UGT2A3: variants seen among roughly 807,000 people sequenced by gnomAD.
UGT2A3 encodes the protein UDP-glucuronosyltransferase 2A3.
Under a neutral mutation model 44.1 loss-of-function variants are expected in UGT2A3, and 55 were observed. The observed-to-expected ratio is 1.25, with a 90% CI of 1.00 to 1.56. The LOEUF is 1.56. Among genes scored for constraint, UGT2A3 ranks in the 40% most tolerant of loss-of-function variants. The pLI is 0.00. For synonymous variants in UGT2A3, 243 were observed against 215.1 expected (o/e 1.13, Z -1.13); for missense variants, 733 against 621.6 (o/e 1.18, Z -1.91).
intron 2 of UGT2A3, among the ~76,000 whole-genome samples, chr4:68,937,518 A>G (rs1208993518): frequency 6.7e-6 from 1 of 148,408 alleles, no homozygotes; most frequent in East Asian, 1.9e-4. Flanking sequence ...ACCAATGAGA[A>G]CAAAGATACG....
chr4:68,951,718 G>T lies in UGT2A3; in HGVS notation c.43C>A (p.Leu15Ile), dbSNP rs746403988. 9 of 1,605,686 alleles carry T rather than the reference G, an allele frequency of 5.6e-6. No individual in the cohort carries two copies. The highest frequency in any genetic ancestry group is 1.3e-5 in the African/African-American group (1 of 74,516). ...CAGAATCCACAGCCAACACAGAAGA[G>T]CTGCAGGAGCAGAAATACCAAAGCT... is the stretch of plus-strand genomic sequence containing the variant. ...KSALVFLLLQ[L>I]FCVGCGFCGK... The change falls in exon 1 of 6, where the codon CTC (leucine) becomes ATC (isoleucine). Residue 15 changes from leucine (L) to isoleucine (I), a missense_variant. Coordinates refer to ENST00000251566, the MANE Select transcript of UGT2A3 (RefSeq NM_024743.4).
At chr4:68,943,356 C>T in intron 2 of UGT2A3, 1 of 1,262,166 alleles carries the variant, frequency 7.9e-7, no homozygotes, top group South Asian at 1.3e-5. Flanking sequence ...CTTAAGAGAG[C>T]TTGGTTTTCT....
intron 2 of UGT2A3, among the ~76,000 whole-genome samples, chr4:68,940,630 G>A (rs1375797865): frequency 2.0e-5 from 3 of 151,306 alleles, no homozygotes; most frequent in African/African-American, 7.3e-5. Context: ...AACCAAAATG[G>A]CACATGTATA....
In UGT2A3 at chr4:68,950,986, A is replaced by T; in HGVS notation, c.715+60T>A. On this transcript the variant is annotated intron_variant, in intron 1 of 5. Transcript: ENST00000251566. ...ATATATATGTCATAGACAATGTATG[A>T]CAATTTTTAAAAATATTTCTTTTGA... 3 of 1,239,104 alleles carry T rather than the reference A, an allele frequency of 2.4e-6. No homozygotes were observed. In the South Asian group the frequency reaches 5.0e-5, roughly 21 times the overall value. 76.8% of individuals were successfully genotyped at this position (1,239,104 alleles called of 1,614,324 possible).
At chr4:68,932,544 G>A in intron 3 of UGT2A3, 84 bp downstream of exon 3, 1 of 1,497,182 alleles carries the variant, frequency 6.7e-7, no homozygotes, top group Non-Finnish European at 9.0e-7. Flanking sequence ...TATGCTAAGT[G>A]GAAAATGAGA....
intron 3 of UGT2A3, 41 bp from the exon 4 acceptor site, chr4:68,931,283 G>T: frequency 6.8e-7 from 1 of 1,462,258 alleles, no homozygotes; most frequent in Non-Finnish European, 9.5e-7. Context: ...TGAACCACAG[G>T]ATATTAGCAT....
At chr4:68,942,428 C>T (rs556049684) in intron 2 of UGT2A3, among the ~76,000 whole-genome samples, 2 of 142,270 alleles carry the variant, frequency 1.4e-5, no homozygotes, top group Non-Finnish European at 1.5e-5. Context: ...ATATATATAT[C>T]CATTCCATTA....
Position 68,930,772 on chromosome 4 carries a change from T to G in UGT2A3, c.1085-7A>C. The G allele has an allele frequency of 6.4e-7, 1 of 1,564,562 alleles. No individual in the cohort carries two copies. The highest frequency in any genetic ancestry group is 1.2e-5 in the South Asian group (1 of 83,388). On this transcript the variant is annotated splice_polypyrimidine_tract_variant and splice_region_variant and intron_variant, in intron 4 of 5. Coordinates refer to ENST00000251566, the MANE Select transcript of UGT2A3 (RefSeq NM_024743.4). ...GCTTTGGTTTTGGGATGACCTAGTA[T>G]GTAAATTGGATGAGAAATGGTGAGA...
intron 1 of UGT2A3, among the ~76,000 whole-genome samples, chr4:68,946,108 A>G (rs917900672): frequency 6.6e-6 from 1 of 151,634 alleles, no homozygotes; most frequent in African/African-American, 2.4e-5. Context: ...ATAATCATAC[A>G]CTTACTTTAG....
At chr4:68,943,829 T>C (rs1718281173) in intron 2 of UGT2A3, among the ~76,000 whole-genome samples, 1 of 151,416 alleles carries the variant, frequency 6.6e-6, no homozygotes, top group Non-Finnish European at 1.5e-5. Flanking sequence ...TGTGCAGATA[T>C]GCCAAAGTGA....
rs1717667601 is a variant in UGT2A3 at position 68,930,037 on chromosome 4, G to T, written c.1360C>A (p.Pro454Thr). 6.2e-7 allele frequency: 1 copy of T among 1,613,316 alleles called. No individual in the cohort carries two copies. The highest frequency in any genetic ancestry group is 8.5e-7 in the Non-Finnish European group (1 of 1,179,634). The part of the protein sequence containing the change: ...SRIHHDQPVK[P>T]LDRAVFWIEF... ...ATCCAGAAGACTGCTCGATCTAGGG[G>T]CTTTACAGGTTGATCATGGTGAATT... Residue 454 changes from proline (P) to threonine (T), a missense_variant, in exon 6 of 6, where the codon CCC (proline) becomes ACC (threonine). Coordinates refer to ENST00000251566, the MANE Select transcript of UGT2A3 (RefSeq NM_024743.4).
chr4:68,947,367 G>A (rs1718417156), intron 1 of UGT2A3, among the ~76,000 whole-genome samples: 1 of 151,706 alleles, frequency 6.6e-6, no homozygotes, highest in Admixed American at 6.6e-5. Flanking sequence ...CGGTTTTACA[G>A]GTTTTAGTTT....
intron 2 of UGT2A3, among the ~76,000 whole-genome samples, chr4:68,939,425 T>C (rs879570766): frequency 6.6e-6 from 1 of 151,990 alleles, no homozygotes; most frequent in Non-Finnish European, 1.5e-5. Context: ...CTTTGACAAA[T>C]CTGACAAAAT....
chr4:68,950,702 TGAGA>T (rs1255708700), intron 1 of UGT2A3, among the ~76,000 whole-genome samples: 1 of 151,802 alleles, frequency 6.6e-6, no homozygotes, highest in Admixed American at 6.6e-5. Flanking sequence ...AAATACATGA[TGAGA>T]GAGAAAATAA....
Position 68,951,662 on chromosome 4 carries a change from C to T in UGT2A3, c.99G>A (p.Met33Ile), listed in dbSNP as rs368033354. ...TGACCTTGACATTAAGCCAATGGCT[C>T]ATGTCACAGGGCCACACCAGGACTT... is the stretch of plus-strand genomic sequence containing the variant. Reference protein sequence around the residue: ...CGKVLVWPCDMSHWLNVKVIL... With the variant: ...CGKVLVWPCDISHWLNVKVIL... The change falls in exon 1 of 6, where the codon ATG (methionine) becomes ATA (isoleucine). Residue 33 changes from methionine (M) to isoleucine (I), a missense_variant. Transcript: ENST00000251566. 47 of 1,612,114 alleles carry T rather than the reference C, an allele frequency of 2.9e-5. No individual in the cohort carries two copies. Among genetic ancestry groups the T allele is most frequent in the Non-Finnish European group, 3.6e-5 (43 of 1,179,352 alleles).
intron 2 of UGT2A3, among the ~76,000 whole-genome samples, chr4:68,937,798 A>G (rs918696921): frequency 9.2e-5 from 14 of 152,130 alleles, no homozygotes; most frequent in African/African-American, 3.4e-4. Context: ...AGATCAACAA[A>G]ATAAATAGAC....
intron 4 of UGT2A3, 111 bp from the exon 5 acceptor site, chr4:68,930,876 T>C: frequency 1.0e-6 from 1 of 964,616 alleles, no homozygotes; most frequent in South Asian, 1.9e-5. Context: ...CGTACAGCAC[T>C]TTCTTTAGAA....
intron 2 of UGT2A3, among the ~76,000 whole-genome samples, chr4:68,938,061 A>G (rs188947636): frequency 6.7e-6 from 1 of 149,200 alleles, no homozygotes; most frequent in East Asian, 2.0e-4. Context: ...AATTGAGGCA[A>G]TAATATCCTA....
chr4:68,933,871 A>G (rs1352887212), intron 2 of UGT2A3, among the ~76,000 whole-genome samples: 2 of 152,020 alleles, frequency 1.3e-5, no homozygotes, highest in Non-Finnish European at 2.9e-5. Flanking sequence ...CTACTGCACT[A>G]TTTAGGTTCT....
Sources: gnomAD v4.1 joint callset for allele counts (sites outside exome capture counted in the v4.1 genomes callset) on GRCh38, gnomAD v4.1.1 for gene constraint, MANE v1.5 for transcripts, NCBI Gene and HGNC (gene_info 2026-07-23, HGNC 2026-07-21) for gene names.